The following DCHS2 variants were observed in gnomAD, a reference collection of about 807,000 sequenced individuals.
DCHS2 encodes the protein protocadherin-23.
In DCHS2, 142 loss-of-function variants were observed where a neutral mutation model predicts 182.4. The ratio of observed to expected loss-of-function variants is 0.78; its 90% CI spans 0.68 to 0.89. DCHS2 has a LOEUF of 0.89. Ranked by LOEUF, DCHS2 falls within the 40% of genes least tolerant of loss-of-function variation. DCHS2 has a pLI of 0.00. For synonymous variants in DCHS2, 1,740 were observed against 1,663.3 expected (o/e 1.05, Z -1.12); for missense variants, 4,319 against 4,198.6 (o/e 1.03, Z -0.79).
chr4:154,466,986 C>G (rs960610676), intron 1 of DCHS2, among the ~76,000 whole-genome samples: 1 of 152,112 alleles, frequency 6.6e-6, no homozygotes, highest in Admixed American at 6.5e-5. Flanking sequence ...GTATTATACA[C>G]AAAAACTTTC....
At chr4:154,475,638 A>G (rs1359641353) in intron 1 of DCHS2, among the ~76,000 whole-genome samples, 3 of 152,194 alleles carry the variant, frequency 2.0e-5, no homozygotes, top group Non-Finnish European at 4.4e-5. Context: ...CTCACATGCT[A>G]TTTACCTTTA....
At chr4:154,377,184 C>T in intron 2 of DCHS2, 69 bp downstream of exon 2, 3 of 1,435,780 alleles carry the variant, frequency 2.1e-6, no homozygotes, top group East Asian at 2.3e-5. Flanking sequence ...ATCATTGGTC[C>T]TCTGTGATGT....
At chr4:154,357,338 A>T (rs762457112) in intron 3 of DCHS2, 7 of 1,564,036 alleles carry the variant, frequency 4.5e-6, no homozygotes, top group Non-Finnish European at 6.2e-6. Context: ...ATTAGGGAAA[A>T]GGAGCCAGGC....
intron 3 of DCHS2, among the ~76,000 whole-genome samples, chr4:154,347,392 C>A (rs1395291939): frequency 6.6e-6 from 1 of 151,316 alleles, no homozygotes; most frequent in African/African-American, 2.4e-5. Flanking sequence ...AATCTTGGTT[C>A]TATCAATCCC....
chr4:154,235,823 T>C lies in DCHS2; in HGVS notation c.8829A>G (p.Leu2943=). ...CTTCTTTGTTGAGTTGACTTTTTATTAGGGGAAGGGCTCTAATCAAATAAA... is the reference window on the plus strand; with the variant it reads ...CTTCTTTGTTGAGTTGACTTTTTATCAGGGGAAGGGCTCTAATCAAATAAA... ...GNIYLIRALP[L]IKSQLNKEDT... is the part of the protein sequence containing the mutation. Residue 2943 remains leucine (L), a synonymous_variant, in exon 20 of 20, where the codon CTA becomes CTG. Coordinates refer to ENST00000357232, the MANE Select transcript of DCHS2 (RefSeq NM_001358235.2). 6.2e-7 allele frequency: 1 copy of C among 1,613,804 alleles called. No homozygotes were observed.
chr4:154,236,356 C>G lies in DCHS2; in HGVS notation c.8296G>C (p.Ala2766Pro). The change falls in exon 20 of 20, where the codon GCA becomes CCA. Residue 2766 changes from alanine (A) to proline (P), a missense_variant. Ala to Pro is a conservative substitution (Grantham distance 27, BLOSUM62 -1). Transcript: ENST00000357232. ...FVSVLDDNDHAPQFMFSSFSC... is the reference protein window; with the variant it reads ...FVSVLDDNDHPPQFMFSSFSC... ...AAGCTTGAGAACATAAACTGAGGTGCATGGTCGTTATCATCCAGGACACTG... is the reference window on the plus strand; with the variant it reads ...AAGCTTGAGAACATAAACTGAGGTGGATGGTCGTTATCATCCAGGACACTG... The G allele has an allele frequency of 6.2e-7, 1 of 1,614,082 alleles. No individual in the cohort carries two copies.
intron 19 of DCHS2, 179 bp from the exon 20 acceptor site, chr4:154,237,338 C>A (rs1731581005): frequency 3.6e-6 from 3 of 839,476 alleles, no homozygotes; most frequent in Non-Finnish European, 5.1e-6. Context: ...ATGTTTATAA[C>A]ATGTAAGATA....
intron 1 of DCHS2, chr4:154,391,181 G>A: frequency 6.2e-7 from 1 of 1,612,378 alleles, no homozygotes; most frequent in Non-Finnish European, 8.5e-7. Flanking sequence ...ATTTCACAAT[G>A]GAATTTATTT....
chr4:154,245,438 C>T (rs1560979931), intron 16 of DCHS2, among the ~76,000 whole-genome samples: 1 of 152,066 alleles, frequency 6.6e-6, no homozygotes. Flanking sequence ...AGGCTTTTGA[C>T]CAGGAAGGAT....
At chr4:154,378,015 T>G (rs1579024872) in intron 1 of DCHS2, among the ~76,000 whole-genome samples, 1 of 152,130 alleles carries the variant, frequency 6.6e-6, no homozygotes, top group Admixed American at 6.6e-5. Context: ...CTGGGAGTAA[T>G]GTCTCAATCA....
chr4:154,315,978 G>T lies in DCHS2; in HGVS notation c.5030C>A (p.Thr1677Asn), dbSNP rs780457423. Reference sequence around the variant, plus strand: ...TTCATAATCCAAAGGACAGGTTGTGGTTAGTAAGCCTGTTTTGAAAATGGA... The same window carrying T: ...TTCATAATCCAAAGGACAGGTTGTGTTTAGTAAGCCTGTTTTGAAAATGGA... ...FMLDESSGLL[T>N]TTCPLDYEMK... is the part of the protein sequence containing the mutation. The change falls in exon 10 of 20, where the codon ACC becomes AAC. Residue 1677 changes from threonine (T) to asparagine (N), a missense_variant. Physicochemically the swap from Thr to Asn is moderately conservative, Grantham distance 65. Transcript: ENST00000357232. 6.8e-6 allele frequency: 11 copies of T among 1,613,702 alleles called. No individual in the cohort carries two copies. In the East Asian group the frequency reaches 2.5e-4, roughly 36 times the overall value.
intron 1 of DCHS2, among the ~76,000 whole-genome samples, chr4:154,453,077 G>A (rs1455739293): frequency 6.6e-6 from 1 of 152,086 alleles, no homozygotes; most frequent in African/African-American, 2.4e-5. Context: ...GGAAAGAGGA[G>A]CATTAAGAAT....
chr4:154,286,372 A>T (rs1164305876), intron 13 of DCHS2, among the ~76,000 whole-genome samples: 2 of 152,118 alleles, frequency 1.3e-5, no homozygotes, highest in Non-Finnish European at 2.9e-5. Flanking sequence ...GGCACCAGGG[A>T]CAAATCCTGG....
intron 13 of DCHS2, among the ~76,000 whole-genome samples, chr4:154,297,478 A>G (rs777853372): frequency 1.2e-4 from 19 of 152,226 alleles, no homozygotes; most frequent in Non-Finnish European, 2.4e-4. Flanking sequence ...TAAAAAGATA[A>G]AAGCTAAATT....
At chr4:154,385,215 T>C (rs999146792) in intron 1 of DCHS2, among the ~76,000 whole-genome samples, 2 of 151,930 alleles carry the variant, frequency 1.3e-5, no homozygotes. Context: ...AGAATGATGG[T>C]TTCCAGCTTC....
intron 10 of DCHS2, among the ~76,000 whole-genome samples, chr4:154,306,539 T>C (rs1174274643): frequency 6.6e-6 from 1 of 152,032 alleles, no homozygotes; most frequent in African/African-American, 2.4e-5. Flanking sequence ...TTACTTTCCT[T>C]TTCCTCAAAA....
chr4:154,328,093 C>T lies in DCHS2; in HGVS notation c.4018G>A (p.Glu1340Lys). 3 of 1,593,810 alleles carry T rather than the reference C, an allele frequency of 1.9e-6. No individual in the cohort carries two copies. Among genetic ancestry groups the T allele is most frequent in the Non-Finnish European group, 2.6e-6 (3 of 1,170,446 alleles). ...NAEVTYSVSS[E>K]DSSDHFKIDA... ...ATCCCGTATGAACAGTAAGTTTTACCTGAAGATACTGAGTATGTAACTTCT... is the reference window on the plus strand; with the variant it reads ...ATCCCGTATGAACAGTAAGTTTTACTTGAAGATACTGAGTATGTAACTTCT... The change falls in exon 7 of 20, where the codon GAA (glutamate) becomes AAA (lysine). Residue 1340 changes from glutamate to lysine, a missense_variant and splice_region_variant. By Grantham distance (56) the Glu-to-Lys change is moderately conservative. Coordinates refer to ENST00000357232, the MANE Select transcript of DCHS2 (RefSeq NM_001358235.2).
chr4:154,240,430 A>T, intron 18 of DCHS2, 107 bp downstream of exon 18: 1 of 1,366,404 alleles, frequency 7.3e-7, no homozygotes, highest in South Asian at 1.5e-5. Context: ...CACTACAAAC[A>T]GTGAATGCTG....
rs780356947 is a variant in DCHS2 at position 154,322,340 on chromosome 4, A to C, written c.4167T>G (p.Val1389=). ...GVPPLQGQAV[V]NIQVIPLSKG... is the part of the protein sequence containing the mutation. ...ATGGTGACAACATTACCTGAATATT[A>C]ACAACTGCCTGTCCTTGAAGAGGAG... Residue 1389 remains valine, a synonymous_variant, in exon 8 of 20, where the codon GTT becomes GTG. Coordinates refer to ENST00000357232, the MANE Select transcript of DCHS2 (RefSeq NM_001358235.2). 4.3e-6 allele frequency: 7 copies of C among 1,613,294 alleles called. No individual in the cohort carries two copies.
Sources: gnomAD v4.1 joint callset for allele counts (sites outside exome capture counted in the v4.1 genomes callset) on GRCh38, gnomAD v4.1.1 for gene constraint, MANE v1.5 for transcripts, NCBI Gene and HGNC (gene_info 2026-07-23, HGNC 2026-07-21) for gene names.